The following SLC44A5 variants were observed in gnomAD, a reference collection of about 807,000 sequenced individuals.
SLC44A5 encodes the protein solute carrier family 44 member 5.
SLC44A5 carries 57 observed loss-of-function variants against 101.8 expected under a neutral mutation model. The observed-to-expected ratio is 0.56, with a 90% CI of 0.45 to 0.70. The LOEUF (loss-of-function observed/expected upper bound fraction) is 0.70, where lower values mean the gene tolerates loss of function less well. Ranked by LOEUF, SLC44A5 falls within the 30% of genes least tolerant of loss-of-function variation. The probability of loss-of-function intolerance (pLI) is 0.00; values close to 1 mark genes in which losing one functional copy is unlikely to be tolerated. For missense variants in SLC44A5, 737 were observed against 853.1 expected, an observed-to-expected ratio of 0.86 and a Z score of 1.70; for synonymous variants, 281 against 290.9, an observed-to-expected ratio of 0.97 and a Z score of 0.35.
At chr1:75,490,230 G>A (rs967071551) in intron 2 of SLC44A5, among the ~76,000 whole-genome samples, 5 of 151,970 alleles carry the variant, frequency 3.3e-5, no homozygotes, top group East Asian at 1.9e-4. Flanking sequence ...GATATCTAGC[G>A]ATATGAAGAA....
rs200069702 is a variant in SLC44A5 at position 75,361,509 on chromosome 1, G to T, written c.53-21879C>A. ...TATGATATACAGCCTTTATTGTGTT[G>T]AGGCACATTTCCTCTATACCTAATC... On this transcript the variant is annotated intron_variant, in intron 3 of 23. Transcript: ENST00000370859. Among the ~76,000 whole-genome samples, 14 of 152,126 alleles carry T rather than the reference G, an allele frequency of 9.2e-5. No individual in the cohort carries two copies. In the East Asian group the frequency reaches 2.7e-3, roughly 29 times the overall value.
chr1:75,288,651 C>T (rs1346954929), intron 5 of SLC44A5, among the ~76,000 whole-genome samples: 1 of 152,214 alleles, frequency 6.6e-6, no homozygotes, highest in Non-Finnish European at 1.5e-5. Flanking sequence ...CTCTTAAGCT[C>T]AACCAAGTCA....
chr1:75,373,610 G>C (rs764411935), intron 3 of SLC44A5, among the ~76,000 whole-genome samples: 6 of 152,178 alleles, frequency 3.9e-5, no homozygotes. Context: ...CCTGCTGACT[G>C]TTCGGCCAGG....
At position 75,396,609 on chromosome 1, in the gene SLC44A5, T is replaced by A. The variant is rs1184703659; in HGVS notation, c.26A>T (p.Asp9Val). The change falls in exon 3 of 24, where the codon GAT (aspartate) becomes GTT (valine). Residue 9 changes from aspartate (D) to valine (V), a missense_variant. Asp to Val is a radical substitution (Grantham distance 152, BLOSUM62 -3). Coordinates refer to ENST00000370859, the MANE Select transcript of SLC44A5 (RefSeq NM_001130058.2). ...AAAGTCCTCTTCCTCAGAGGGAGTA[T>A]CTGCTGGTTTTTCTAGGAAAAAGCA... MNDTEKPA[D>V]TPSEEEDFGD... The A allele has an allele frequency of 6.2e-7, 1 of 1,612,804 alleles. No homozygotes were observed. Among genetic ancestry groups the A allele is most frequent in the African/African-American group, 1.3e-5 (1 of 74,894 alleles).
chr1:75,225,062 C>T (rs1570404039), intron 13 of SLC44A5, among the ~76,000 whole-genome samples: 1 of 152,312 alleles, frequency 6.6e-6, no homozygotes, highest in East Asian at 1.9e-4. Context: ...CATTCACTCA[C>T]CACTCACTTA....
At chr1:75,649,656 G>C in the SLC44A5 span, among the ~76,000 whole-genome samples, 1 of 152,164 alleles carries the variant, frequency 6.6e-6, no homozygotes, top group Non-Finnish European at 1.5e-5. Flanking sequence ...AAGGTCTTCA[G>C]TAAATAGAAT....
chr1:75,286,456 A>G (rs1225409952), intron 5 of SLC44A5, among the ~76,000 whole-genome samples: 1 of 152,176 alleles, frequency 6.6e-6, no homozygotes, highest in Non-Finnish European at 1.5e-5. Context: ...TGGAGCATTT[A>G]CATCATTTAC....
chr1:75,247,151 A>C (rs1171697272), intron 7 of SLC44A5, among the ~76,000 whole-genome samples: 1 of 152,054 alleles, frequency 6.6e-6, no homozygotes, highest in African/African-American at 2.4e-5. Flanking sequence ...GAACTAATCT[A>C]AAAAAGAGGT....
Position 75,283,372 on chromosome 1 carries a change from T to C in SLC44A5, c.176-8330A>G, listed in dbSNP as rs150787130. Among the ~76,000 whole-genome samples, 518 of 152,290 alleles carry C rather than the reference T, an allele frequency of 3.4e-3. 10 individuals carry two copies. The South Asian group carries it at 0.047, about 14-fold the overall frequency. On this transcript the variant is annotated intron_variant, in intron 5 of 23. Coordinates refer to ENST00000370859, the MANE Select transcript of SLC44A5 (RefSeq NM_001130058.2). The stretch of plus-strand genomic sequence containing the variant: ...TTGGTGTTTTTCTTTCTGATTTGTT[T>C]GAGTTTTTTGTGGATTCTGGATATT...
At chr1:75,626,763 T>C in the SLC44A5 span, among the ~76,000 whole-genome samples, 32 of 152,248 alleles carry the variant, frequency 2.1e-4, no homozygotes, top group African/African-American at 6.0e-4. Flanking sequence ...CCTGACTCCA[T>C]TCTTTCACCT....
At chr1:75,352,386 G>A (rs1219625434) in intron 3 of SLC44A5, among the ~76,000 whole-genome samples, 1 of 151,354 alleles carries the variant, frequency 6.6e-6, no homozygotes, top group East Asian at 1.9e-4. Flanking sequence ...CCAAGTGTGT[G>A]TTGTTCCCCC....
intron 3 of SLC44A5, among the ~76,000 whole-genome samples, chr1:75,376,506 C>T (rs971378727): frequency 6.6e-6 from 1 of 152,216 alleles, no homozygotes; most frequent in African/African-American, 2.4e-5. Flanking sequence ...GGGCAGACTG[C>T]CTCCTCAAGA....
chr1:75,644,174 G>GA, the SLC44A5 span, among the ~76,000 whole-genome samples: 3 of 152,100 alleles, frequency 2.0e-5, no homozygotes, highest in African/African-American at 7.2e-5. Context: ...AAGGGAACTG[G>GA]TAAAATTTTA....
chr1:75,544,846 C>G (rs192375915), intron 1 of SLC44A5, among the ~76,000 whole-genome samples: 11 of 152,070 alleles, frequency 7.2e-5, no homozygotes, highest in Admixed American at 6.5e-4. Flanking sequence ...TTCATGACAT[C>G]GAAATTATTC....
At chr1:75,690,247 T>C in the SLC44A5 span, among the ~76,000 whole-genome samples, 1 of 152,072 alleles carries the variant, frequency 6.6e-6, no homozygotes, top group Non-Finnish European at 1.5e-5. Flanking sequence ...ACAAGGCATG[T>C]CTTACATGGT....
chr1:75,302,117 T>TG (rs1274247113), intron 4 of SLC44A5, among the ~76,000 whole-genome samples: 3 of 136,768 alleles, frequency 2.2e-5, no homozygotes, highest in East Asian at 2.1e-4. Context: ...TTTTTGTTTT[T>TG]TTTTTTTTTT....
At chr1:75,234,126 G>A (rs1379336489) in intron 11 of SLC44A5, 28 bp from the exon 12 acceptor site, 10 of 1,510,020 alleles carry the variant, frequency 6.6e-6, no homozygotes, top group Non-Finnish European at 9.2e-6. Flanking sequence ...CAAACACAGT[G>A]GTCAAGTGTG....
the SLC44A5 span, among the ~76,000 whole-genome samples, chr1:75,683,909 G>A: frequency 0.91 from 137,977 of 152,206 alleles, 62,739 homozygotes; most frequent in Middle Eastern, 0.94. Context: ...AAAAAAGAGC[G>A]GAAGTAGCCA....
chr1:75,375,857 C>A (rs1174672223), intron 3 of SLC44A5, among the ~76,000 whole-genome samples: 5 of 152,218 alleles, frequency 3.3e-5, no homozygotes, highest in Admixed American at 6.5e-5. Context: ...ATAGGAACAG[C>A]TCCTGTCTAC....
Sources: gnomAD v4.1 joint callset for allele counts (sites outside exome capture counted in the v4.1 genomes callset) on GRCh38, gnomAD v4.1.1 for gene constraint, MANE v1.5 for transcripts, NCBI Gene and HGNC (gene_info 2026-07-23, HGNC 2026-07-21) for gene names.